Variants in HTRA1 observed in about 807,000 individuals in gnomAD.
HTRA1 encodes HtrA serine peptidase 1.
HTRA1 carries 26 observed loss-of-function variants against 49.7 expected under a neutral mutation model. The observed-to-expected ratio is 0.52, with a 90% CI of 0.38 to 0.73. The LOEUF (loss-of-function observed/expected upper bound fraction) is 0.73, where lower values mean the gene tolerates loss of function less well. HTRA1 is among the 30% of genes least tolerant of loss of function. The probability of loss-of-function intolerance (pLI) is 0.00; values close to 1 mark genes in which losing one functional copy is unlikely to be tolerated. For synonymous variants in HTRA1, 291 were observed against 286.9 expected (o/e 1.01, Z -0.14); for missense variants, 561 against 667.2 (o/e 0.84, Z 1.75).
intron 1 of HTRA1, among the ~76,000 whole-genome samples, chr10:122,486,788 GTA>G (rs1468682292): frequency 6.6e-6 from 1 of 152,026 alleles, no homozygotes; most frequent in African/African-American, 2.4e-5. Flanking sequence ...GCATTTGCAT[GTA>G]TATATGTGTG....
At chr10:122,482,776 G>A (rs2097491547) in intron 1 of HTRA1, among the ~76,000 whole-genome samples, 1 of 151,990 alleles carries the variant, frequency 6.6e-6, no homozygotes, top group South Asian at 2.1e-4. Context: ...AAAATAGCTG[G>A]GTGTGGTGGC....
chr10:122,503,807 G>A (rs999414042), intron 3 of HTRA1, among the ~76,000 whole-genome samples: 2 of 152,152 alleles, frequency 1.3e-5, no homozygotes, highest in African/African-American at 4.8e-5. Flanking sequence ...GTGTCTGCTT[G>A]CTTTTTTCTG....
At chr10:122,507,926 C>G (rs1293313400) in intron 5 of HTRA1, among the ~76,000 whole-genome samples, 1 of 139,620 alleles carries the variant, frequency 7.2e-6, no homozygotes, top group Non-Finnish European at 1.6e-5. Context: ...AAAGTGAAGC[C>G]TTAGAACACA....
At position 122,494,131 on chromosome 10, in the gene HTRA1, C is replaced by T. The variant is rs1428734624; in HGVS notation, c.777+4505C>T. 6.6e-6 allele frequency among the ~76,000 whole-genome samples: 1 copy of T among 152,182 alleles called. No individual in the cohort carries two copies. The highest frequency in any genetic ancestry group is 1.5e-5 in the Non-Finnish European group (1 of 68,036). On this transcript the variant is annotated intron_variant, in intron 3 of 8. Coordinates refer to ENST00000368984, the MANE Select transcript of HTRA1 (RefSeq NM_002775.5). The surrounding 1 kb of genome is among the most constrained non-coding windows in gnomAD (Gnocchi z 4.0). Reference sequence around the variant, plus strand: ...ACCCCAGGGACAACTGCATTCCACTCTTGGTTTTTCCCTCCTCGTCTATTT... The same window carrying T: ...ACCCCAGGGACAACTGCATTCCACTTTTGGTTTTTCCCTCCTCGTCTATTT...
Position 122,506,995 on chromosome 10 carries a change from G to A in HTRA1, c.972+110G>A. The A allele has an allele frequency of 1.0e-6, 1 of 965,830 alleles. No individual in the cohort carries two copies. Among genetic ancestry groups the A allele is most frequent in the Non-Finnish European group, 1.6e-6 (1 of 625,030 alleles). 59.8% of individuals were successfully genotyped at this position (965,830 alleles called of 1,614,324 possible). A position where few individuals can be genotyped will look rare whatever the true frequency, so the allele number is the denominator to read the frequency against. On this transcript the variant is annotated intron_variant, in intron 4 of 8. Transcript: ENST00000368984. This position sits in a 1 kb window ranked among gnomAD's most constrained non-coding sequence, Gnocchi z 5.2. ...TTTGTTGTAGTCTGCGTGAAGGGAT[G>A]GAACTAGACCAAGCCATGTGGATTC...
At chr10:122,505,987 G>A (rs545923414) in intron 3 of HTRA1, among the ~76,000 whole-genome samples, 31 of 151,372 alleles carry the variant, frequency 2.0e-4, no homozygotes, top group South Asian at 1.0e-3. Flanking sequence ...TTTGTGGGAC[G>A]CTGGAGATCA....
At chr10:122,473,406 C>A (rs2097487002) in intron 1 of HTRA1, among the ~76,000 whole-genome samples, 1 of 152,106 alleles carries the variant, frequency 6.6e-6, no homozygotes, top group Middle Eastern at 3.4e-3. Context: ...GTCCAGGATG[C>A]GGGAGGAGGC....
chr10:122,513,992 G>T (rs2097506802), intron 8 of HTRA1, among the ~76,000 whole-genome samples, 199 bp from the exon 9 acceptor site: 2 of 151,138 alleles, frequency 1.3e-5, no homozygotes, highest in African/African-American at 4.9e-5. Flanking sequence ...ACCTGCCTCA[G>T]CCTCCCAAAG....
At chr10:122,508,812 G>A (rs373496693) in intron 6 of HTRA1, 42 bp downstream of exon 6, 6 of 1,201,240 alleles carry the variant, frequency 5.0e-6, no homozygotes, top group Non-Finnish European at 7.5e-6. Flanking sequence ...CGGAGATGGG[G>A]CCTGAAGCTC....
chr10:122,468,573 C>G (rs941014054), intron 1 of HTRA1, among the ~76,000 whole-genome samples: 1 of 152,028 alleles, frequency 6.6e-6, no homozygotes, highest in Non-Finnish European at 1.5e-5. Flanking sequence ...GACTTCTGTC[C>G]GGGAGCTGAC....
chr10:122,477,712 G>T (rs2097489281), intron 1 of HTRA1, among the ~76,000 whole-genome samples: 1 of 152,212 alleles, frequency 6.6e-6, no homozygotes, highest in African/African-American at 2.4e-5. Context: ...AGGACTTTGA[G>T]CACATAGCTG....
intron 1 of HTRA1, among the ~76,000 whole-genome samples, chr10:122,474,362 T>TGG (rs1451134534): frequency 1.3e-5 from 2 of 152,112 alleles, no homozygotes; most frequent in South Asian, 2.1e-4. Context: ...TCCCCTCGCA[T>TGG]GGGGGCTGGG....
chr10:122,512,103 G>C, intron 8 of HTRA1, 38 bp downstream of exon 8: 1 of 1,404,352 alleles, frequency 7.1e-7, no homozygotes, highest in Non-Finnish European at 1.0e-6. Flanking sequence ...CAATATTCTT[G>C]TTGTTCCTGT....
At chr10:122,503,043 C>G (rs2097501599) in intron 3 of HTRA1, among the ~76,000 whole-genome samples, 1 of 152,196 alleles carries the variant, frequency 6.6e-6, no homozygotes, top group South Asian at 2.1e-4. Context: ...GTGAAGTGGC[C>G]AAGGAGAGGA....
intron 3 of HTRA1, among the ~76,000 whole-genome samples, chr10:122,492,490 T>C (rs2097496330): frequency 6.6e-6 from 1 of 152,076 alleles, no homozygotes; most frequent in Admixed American, 6.6e-5. Flanking sequence ...TGCACCACCA[T>C]GCCTGGCTAC....
At chr10:122,513,591 T>C (rs2097506560) in intron 8 of HTRA1, among the ~76,000 whole-genome samples, 1 of 120,318 alleles carries the variant, frequency 8.3e-6, no homozygotes, top group Non-Finnish European at 1.6e-5. Flanking sequence ...AGCCCAGGAG[T>C]TCGAGACTAG....
chr10:122,486,979 C>T (rs2097493386), intron 1 of HTRA1, among the ~76,000 whole-genome samples: 2 of 151,868 alleles, frequency 1.3e-5, no homozygotes, highest in Admixed American at 6.6e-5. Context: ...GCATTTGCAT[C>T]TCTGTGTATA....
intron 3 of HTRA1, among the ~76,000 whole-genome samples, chr10:122,493,115 G>C (rs767020136): frequency 1.3e-5 from 2 of 152,120 alleles, no homozygotes; most frequent in Non-Finnish European, 2.9e-5. Flanking sequence ...CGCTCACTTT[G>C]CCTGCTGAGT....
chr10:122,512,390 A>G (rs1353374863), intron 8 of HTRA1, among the ~76,000 whole-genome samples: 2 of 152,210 alleles, frequency 1.3e-5, no homozygotes. Flanking sequence ...AGTGTCCCCA[A>G]GCCCTCACTT....
Sources: allele counts gnomAD v4.1 joint callset (sites outside exome capture counted in the v4.1 genomes callset), GRCh38; gene constraint gnomAD v4.1.1; non-coding constraint Gnocchi (gnomAD v3.1); transcripts MANE v1.5; gene names NCBI Gene and HGNC (gene_info 2026-07-23, HGNC 2026-07-21).